BLTP3B: variants seen among roughly 807,000 people sequenced by gnomAD.
The protein encoded by BLTP3B is bridge-like lipid transfer protein family member 3B, also known as UHRF1 (ICBP90) binding protein 1-like.
the BLTP3B span, among the ~76,000 whole-genome samples, chr12:100,135,135 C>G: frequency 0.014 from 2,195 of 152,266 alleles, 59 homozygotes; most frequent in African/African-American, 0.05. Context: ...TCTTCCTCTT[C>G]TCACTTTACT....
the BLTP3B span, chr12:100,059,831 C>A: frequency 6.3e-7 from 1 of 1,593,350 alleles, no homozygotes; most frequent in Admixed American, 1.8e-5. Context: ...ATCATTACTA[C>A]TACTTGTTTG....
chr12:100,055,087 A>T, the BLTP3B span, among the ~76,000 whole-genome samples: 1 of 152,154 alleles, frequency 6.6e-6, no homozygotes, highest in Admixed American at 6.6e-5. Context: ...AAGATAAAGT[A>T]AACTGGAATC....
chr12:100,093,120 C>T, the BLTP3B span, among the ~76,000 whole-genome samples: 1 of 152,180 alleles, frequency 6.6e-6, no homozygotes, highest in African/African-American at 2.4e-5. Context: ...TGTTTCAACT[C>T]GGGCTACCAG....
chr12:100,102,952 T>A, the BLTP3B span: 2 of 845,460 alleles, frequency 2.4e-6, no homozygotes, highest in Non-Finnish European at 3.4e-6. Context: ...CATTTTTCTT[T>A]AGGAAGAAAG....
chr12:100,092,423 G>A, the BLTP3B span, among the ~76,000 whole-genome samples: 413 of 152,224 alleles, frequency 2.7e-3, 2 homozygotes, highest in Non-Finnish European at 3.4e-3. Context: ...CTAAAGACAT[G>A]GAAGAAACTT....
the BLTP3B span, among the ~76,000 whole-genome samples, chr12:100,099,644 G>T: frequency 6.6e-6 from 1 of 151,548 alleles, no homozygotes; most frequent in Non-Finnish European, 1.5e-5. Flanking sequence ...ATACTCACAA[G>T]GCTGCAGTGG....
chr12:100,050,787 G>A, the BLTP3B span, among the ~76,000 whole-genome samples: 1 of 151,914 alleles, frequency 6.6e-6, no homozygotes, highest in African/African-American at 2.4e-5. Context: ...ACTCCAGCCT[G>A]GGCAACAGAG....
At chr12:100,115,781 CA>C in the BLTP3B span, among the ~76,000 whole-genome samples, 21 of 150,636 alleles carry the variant, frequency 1.4e-4, no homozygotes, top group African/African-American at 5.1e-4. Context: ...AACAAAAAAA[CA>C]AAAAAAACAC....
chr12:100,037,083 C>T, the BLTP3B span: 2 of 877,514 alleles, frequency 2.3e-6, no homozygotes, highest in Non-Finnish European at 2.7e-6. Flanking sequence ...TTTCCAAACC[C>T]ATTAATTATA....
chr12:100,110,071 C>T, the BLTP3B span, among the ~76,000 whole-genome samples: 1 of 151,992 alleles, frequency 6.6e-6, no homozygotes, highest in Non-Finnish European at 1.5e-5. Context: ...ACTAACTATG[C>T]CCAACAAATA....
the BLTP3B span, among the ~76,000 whole-genome samples, chr12:100,081,512 C>T: frequency 6.6e-6 from 1 of 152,140 alleles, no homozygotes; most frequent in Non-Finnish European, 1.5e-5. Context: ...AATTTCACAA[C>T]CCAAGTAGCG....
chr12:100,053,635 C>T, the BLTP3B span, among the ~76,000 whole-genome samples: 11 of 152,056 alleles, frequency 7.2e-5, no homozygotes, highest in East Asian at 1.9e-4. Context: ...CACCCACACA[C>T]GTATATAAAA....
At chr12:100,118,760 G>C in the BLTP3B span, among the ~76,000 whole-genome samples, 1 of 152,118 alleles carries the variant, frequency 6.6e-6, no homozygotes, top group African/African-American at 2.4e-5. Flanking sequence ...GCTGATTATG[G>C]AAAGTTTATT....
At chr12:100,131,875 C>T in the BLTP3B span, among the ~76,000 whole-genome samples, 4 of 152,174 alleles carry the variant, frequency 2.6e-5, no homozygotes, top group Non-Finnish European at 4.4e-5. Flanking sequence ...CTGCAACCTC[C>T]GCCTCCTGGG....
chr12:100,051,779 G>GGT, the BLTP3B span: 2 of 152,364 alleles, frequency 1.3e-5, no homozygotes, highest in East Asian at 3.9e-4. Flanking sequence ...AACAAGCCTG[G>GGT]GTGTGGTGGC....
the BLTP3B span, chr12:100,128,544 A>C: frequency 5.7e-6 from 1 of 176,628 alleles, no homozygotes; most frequent in Non-Finnish European, 8.3e-6. Context: ...TTATAGAATG[A>C]AAAAAAAAAA....
the BLTP3B span, chr12:100,058,567 C>G: frequency 6.2e-7 from 1 of 1,612,464 alleles, no homozygotes; most frequent in Non-Finnish European, 8.5e-7. Flanking sequence ...GACAAAAAAT[C>G]CCCATTTTCT....
At chr12:100,062,404 G>C in the BLTP3B span, among the ~76,000 whole-genome samples, 2 of 152,148 alleles carry the variant, frequency 1.3e-5, no homozygotes, top group Admixed American at 1.3e-4. Context: ...TCAAAACAGA[G>C]ATAATGAAGA....
the BLTP3B span, chr12:100,048,222 G>C: frequency 8.4e-6 from 13 of 1,552,084 alleles, no homozygotes; most frequent in African/African-American, 1.8e-4. Flanking sequence ...ATACAAAAAT[G>C]TTTGTAGCAT....
Sources: gnomAD v4.1 joint callset for allele counts (sites outside exome capture counted in the v4.1 genomes callset) on GRCh38, gnomAD v4.1.1 for gene constraint, MANE v1.5 for transcripts, NCBI Gene and HGNC (gene_info 2026-07-23, HGNC 2026-07-21) for gene names.